Variants in WDR72 observed in about 807,000 individuals in gnomAD.
WDR72 encodes WD repeat domain 72, also known as WD repeat-containing protein 72.
A neutral mutation model predicts 124.2 loss-of-function variants in WDR72; 120 were observed. The observed-to-expected ratio is 0.97, with a 90% confidence interval of 0.83 to 1.12. The LOEUF (loss-of-function observed/expected upper bound fraction) is 1.12. Ranked by LOEUF, WDR72 falls within the 50% of genes most tolerant of loss-of-function variation. The probability of loss-of-function intolerance (pLI) is 0.00; values close to 1 mark genes in which losing one functional copy is unlikely to be tolerated. For synonymous variants in WDR72, 452 were observed against 441.7 expected, an observed-to-expected ratio of 1.02 and a Z score of -0.29; for missense variants, 1,387 against 1,278.8, an observed-to-expected ratio of 1.08 and a Z score of -1.29.
intron 1 of WDR72, among the ~76,000 whole-genome samples, chr15:53,739,572 A>G (rs915914904): frequency 6.6e-6 from 1 of 152,178 alleles, no homozygotes; most frequent in Non-Finnish European, 1.5e-5. Context: ...GCTCACTCTC[A>G]TGAATACCAG....
At chr15:53,559,402 T>C (rs1363474779) in intron 18 of WDR72, among the ~76,000 whole-genome samples, 4 of 152,090 alleles carry the variant, frequency 2.6e-5, no homozygotes, top group African/African-American at 9.7e-5. Flanking sequence ...CAACAGACTC[T>C]TATTTTTCCT....
intron 18 of WDR72, among the ~76,000 whole-genome samples, chr15:53,579,249 T>C (rs1319217084): frequency 6.6e-6 from 1 of 152,122 alleles, no homozygotes; most frequent in African/African-American, 2.4e-5. Context: ...AACAGACTTT[T>C]ATGGGATTTC....
At chr15:53,594,365 G>A (rs568298350) in intron 18 of WDR72, among the ~76,000 whole-genome samples, 3 of 151,370 alleles carry the variant, frequency 2.0e-5, no homozygotes, top group Non-Finnish European at 4.4e-5. Flanking sequence ...AATAAGCAGA[G>A]TTGATGAAAT....
chr15:53,616,872 C>A (rs908528114), intron 14 of WDR72, among the ~76,000 whole-genome samples: 2 of 151,928 alleles, frequency 1.3e-5, no homozygotes, highest in Non-Finnish European at 2.9e-5. Flanking sequence ...TCTCTATAAT[C>A]TTCCTTGCTT....
intron 18 of WDR72, among the ~76,000 whole-genome samples, chr15:53,539,162 G>T (rs1022551352): frequency 6.6e-6 from 1 of 152,078 alleles, no homozygotes; most frequent in Non-Finnish European, 1.5e-5. Context: ...CTTTTAACTA[G>T]AAAGGCTGCA....
intron 13 of WDR72, among the ~76,000 whole-genome samples, chr15:53,689,455 A>C (rs545050701): frequency 6.7e-6 from 1 of 149,524 alleles, no homozygotes; most frequent in Non-Finnish European, 1.5e-5. Flanking sequence ...GCCAAAAAAC[A>C]CATGAAAAAA....
At chr15:53,641,172 T>C (rs895122991) in intron 14 of WDR72, among the ~76,000 whole-genome samples, 3 of 152,026 alleles carry the variant, frequency 2.0e-5, no homozygotes, top group Admixed American at 6.6e-5. Context: ...TTTTATATTT[T>C]ATACAAAAAT....
At chr15:53,761,993 G>A (rs930001640), upstream of WDR72, among the ~76,000 whole-genome samples, 1 of 151,958 alleles carries the variant, frequency 6.6e-6, no homozygotes, top group African/African-American at 2.4e-5. Flanking sequence ...GGGTGGTTTA[G>A]TAAAATGTGG....
intron 18 of WDR72, among the ~76,000 whole-genome samples, chr15:53,545,393 A>C (rs953926486): frequency 6.0e-5 from 9 of 149,840 alleles, no homozygotes; most frequent in Non-Finnish European, 1.3e-4. Context: ...GACAAACCTG[A>C]GAAAAACAAG....
At chr15:53,553,651 CA>C (rs1363306092) in intron 18 of WDR72, among the ~76,000 whole-genome samples, 15 of 152,102 alleles carry the variant, frequency 9.9e-5, no homozygotes, top group South Asian at 4.1e-4. Flanking sequence ...CTTATATTAA[CA>C]GCAAGGTGAT....
chr15:53,760,543 C>T (rs1307448559), upstream of WDR72, among the ~76,000 whole-genome samples: 1 of 152,080 alleles, frequency 6.6e-6, no homozygotes. Flanking sequence ...AGTACTCCAC[C>T]GTGTATATGT....
intron 19 of WDR72, among the ~76,000 whole-genome samples, chr15:53,522,732 A>C (rs769731603): frequency 2.0e-5 from 3 of 152,004 alleles, no homozygotes; most frequent in Admixed American, 6.6e-5. Context: ...ATTTTCCCTA[A>C]ACATTTGACA....
At chr15:53,533,391 C>T (rs1311063297) in intron 18 of WDR72, among the ~76,000 whole-genome samples, 1 of 143,234 alleles carries the variant, frequency 7.0e-6, no homozygotes, top group Non-Finnish European at 1.5e-5. Context: ...AAGATATACC[C>T]TCCTTCTGTT....
intron 13 of WDR72, among the ~76,000 whole-genome samples, chr15:53,686,076 G>A (rs993666401): frequency 4.7e-5 from 7 of 149,648 alleles, no homozygotes; most frequent in African/African-American, 1.7e-4. Context: ...AACATGGAAA[G>A]GAACAACCGG....
At chr15:53,556,918 T>C (rs1893954463) in intron 18 of WDR72, among the ~76,000 whole-genome samples, 1 of 152,066 alleles carries the variant, frequency 6.6e-6, no homozygotes, top group African/African-American at 2.4e-5. Flanking sequence ...ATACATATAG[T>C]ACACATACAC....
At chr15:53,540,124 T>C (rs1312889532) in intron 18 of WDR72, among the ~76,000 whole-genome samples, 1 of 152,120 alleles carries the variant, frequency 6.6e-6, no homozygotes, top group Non-Finnish European at 1.5e-5. Context: ...CACAGCTACT[T>C]TAATAAAGCA....
intron 14 of WDR72, among the ~76,000 whole-genome samples, chr15:53,628,279 G>GTTA (rs2014287802): frequency 6.6e-6 from 1 of 152,060 alleles, no homozygotes; most frequent in Admixed American, 6.6e-5. Flanking sequence ...AGCATTAGAA[G>GTTA]TGTAGTTAAT....
chr15:53,716,877 T>G (rs189353234), intron 3 of WDR72, among the ~76,000 whole-genome samples, 192 bp from the exon 4 acceptor site: 443 of 152,298 alleles, frequency 2.9e-3, no homozygotes, highest in Admixed American at 6.1e-3. Context: ...TTTGGGTAAT[T>G]ACACCCTGCT....
intron 18 of WDR72, among the ~76,000 whole-genome samples, chr15:53,564,370 C>CTGTG (rs1459666141): frequency 1.3e-5 from 2 of 151,828 alleles, no homozygotes; most frequent in African/African-American, 4.8e-5. Flanking sequence ...AAATGCCTAT[C>CTGTG]TAAAATTCCT....
Sources: allele counts gnomAD v4.1 joint callset (sites outside exome capture counted in the v4.1 genomes callset), GRCh38; gene constraint gnomAD v4.1.1; transcripts MANE v1.5; gene names NCBI Gene and HGNC (gene_info 2026-07-23, HGNC 2026-07-21).